The following NFIA variants were observed in gnomAD, a reference collection of about 807,000 sequenced individuals.
NFIA encodes nuclear factor I A.
Under a neutral mutation model 62.8 loss-of-function variants are expected in NFIA, and 8 were observed. That is an observed-to-expected ratio of 0.13 (90% CI 0.07 to 0.23). The LOEUF is 0.23. NFIA is among the 10% of genes least tolerant of loss of function. The pLI, the probability that NFIA is intolerant of heterozygous loss-of-function variation, is 1.00. For missense variants in NFIA, 410 were observed against 642.1 expected, an observed-to-expected ratio of 0.64 and a Z score of 3.91; for synonymous variants, 235 against 238.1, an observed-to-expected ratio of 0.99 and a Z score of 0.12.
At chr1:61,148,933 C>A (rs1225112032) in intron 2 of NFIA, among the ~76,000 whole-genome samples, 1 of 152,140 alleles carries the variant, frequency 6.6e-6, no homozygotes, top group South Asian at 2.1e-4. Context: ...AGTGCAATGG[C>A]ACGATCCTAG....
Position 61,381,100 on chromosome 1 carries a change from G to GAAA in NFIA, c.947-2124_947-2122dup, listed in dbSNP as rs71582641. ...GATTTCATCAGTGATTCCATTATCT[G>GAAA]AAAAAAAAAAAAAAATCTGCCACCT... is the stretch of plus-strand genomic sequence containing the variant. On this transcript the variant is annotated intron_variant, in intron 6 of 10. Transcript: ENST00000403491. Among the ~76,000 whole-genome samples the GAAA allele has an allele frequency of 5.2e-5, 7 of 134,902 alleles. 1 individual carries two copies. The Admixed American group carries it at 5.2e-4, about 10-fold the overall frequency. 88.5% of individuals were successfully genotyped at this position (134,902 alleles called of 152,430 possible).
Position 61,332,483 on chromosome 1 carries a change from T to C in NFIA, c.626-29T>C, listed in dbSNP as rs757915204. ...GTCAAATGTCTTGTATTTATGACAC[T>C]TTGTTTTCTTTTGTTTTTGTTTCCC... On this transcript the variant is annotated intron_variant, in intron 3 of 10. Transcript: ENST00000403491. The C allele has an allele frequency of 4.4e-6, 7 of 1,601,664 alleles. No homozygotes were observed. The South Asian group carries it at 6.6e-5, about 15-fold the overall frequency.
intron 3 of NFIA, among the ~76,000 whole-genome samples, chr1:61,318,950 G>C (rs1156853017): frequency 6.6e-6 from 1 of 152,128 alleles, no homozygotes; most frequent in Non-Finnish European, 1.5e-5. Flanking sequence ...AAGATAGAGT[G>C]TATGGTAAAA....
chr1:61,174,138 G>T (rs1169763904), intron 2 of NFIA, among the ~76,000 whole-genome samples: 1 of 152,168 alleles, frequency 6.6e-6, no homozygotes, highest in Non-Finnish European at 1.5e-5. Flanking sequence ...TCAGATGTGA[G>T]GTGTCTTGAA....
chr1:61,135,282 G>A (rs1647162318), intron 2 of NFIA, among the ~76,000 whole-genome samples: 3 of 152,208 alleles, frequency 2.0e-5, no homozygotes. Context: ...GGCCCAGGTA[G>A]CCCAGACCAA....
At chr1:61,191,392 C>T (rs913816163) in intron 2 of NFIA, among the ~76,000 whole-genome samples, 2 of 152,124 alleles carry the variant, frequency 1.3e-5, no homozygotes, top group South Asian at 2.1e-4. Flanking sequence ...AAATGCTAAA[C>T]GGGATTTGCT....
chr1:61,266,273 A>G (rs1019594165), intron 2 of NFIA, among the ~76,000 whole-genome samples: 1 of 152,176 alleles, frequency 6.6e-6, no homozygotes, highest in African/African-American at 2.4e-5. Context: ...CCTCCAAACC[A>G]GAAAGAACAC....
chr1:61,149,359 C>T (rs1032165707), intron 2 of NFIA, among the ~76,000 whole-genome samples: 2 of 152,170 alleles, frequency 1.3e-5, no homozygotes, highest in Admixed American at 6.5e-5. Flanking sequence ...CCTGTCTTTT[C>T]TACTACACTT....
At chr1:61,420,352 G>A (rs1298675624) in intron 9 of NFIA, among the ~76,000 whole-genome samples, 1 of 151,206 alleles carries the variant, frequency 6.6e-6, no homozygotes, top group African/African-American at 2.4e-5. Context: ...ATTATTTTTA[G>A]AAATGAAAGT....
chr1:61,091,195 C>T (rs927822094), intron 2 of NFIA, among the ~76,000 whole-genome samples: 2 of 151,928 alleles, frequency 1.3e-5, no homozygotes, highest in African/African-American at 4.8e-5. Context: ...GCCTTTTTTT[C>T]CCCCTAGATG....
At chr1:61,140,540 G>T (rs768376146) in intron 2 of NFIA, among the ~76,000 whole-genome samples, 1 of 151,814 alleles carries the variant, frequency 6.6e-6, no homozygotes. Context: ...TTTTCTCTTC[G>T]CAATGGCTTT....
intron 9 of NFIA, among the ~76,000 whole-genome samples, chr1:61,416,390 G>GTAC (rs1666349284): frequency 6.6e-6 from 1 of 152,044 alleles, no homozygotes; most frequent in Non-Finnish European, 1.5e-5. Context: ...GCTTTTAGCT[G>GTAC]TACTAACCTG....
At position 61,088,359 on chromosome 1, in the gene NFIA, C is replaced by T. The variant is rs372717886; in HGVS notation, c.238C>T (p.Arg80Trp). 5 of 1,613,358 alleles carry T rather than the reference C, an allele frequency of 3.1e-6. No homozygotes were observed. Among genetic ancestry groups the T allele is most frequent in the Non-Finnish European group, 3.4e-6 (4 of 1,179,898 alleles). Reference protein sequence around the residue: ...KWASRLLAKLRKDIRPEYRED... With the variant: ...KWASRLLAKLWKDIRPEYRED... ...GGCATCTCGACTTCTGGCAAAGTTG[C>T]GGAAAGATATCCGACCCGAATATCG... The change falls in exon 2 of 11, where the codon CGG becomes TGG. Residue 80 changes from arginine to tryptophan, a missense_variant. By Grantham distance (101) the Arg-to-Trp change is moderately radical. This residue lies in a region of NFIA where 86 missense variants were observed against 124.6 expected (regional missense o/e 0.69). Coordinates refer to ENST00000403491, the MANE Select transcript of NFIA (RefSeq NM_001134673.4). This position sits in a 1 kb window ranked among gnomAD's most constrained non-coding sequence, Gnocchi z 4.5.
At chr1:61,417,516 G>A (rs1666407917) in intron 9 of NFIA, among the ~76,000 whole-genome samples, 1 of 151,482 alleles carries the variant, frequency 6.6e-6, no homozygotes, top group East Asian at 1.9e-4. Flanking sequence ...AATTTTTTTA[G>A]GATATGTTTC....
rs150872629 is a variant in NFIA, at chr1:61,109,294, C to T, written c.559+20614C>T. On this transcript the variant is annotated intron_variant, in intron 2 of 10. Transcript: ENST00000403491. ...TGTTCTTAATTGGTTGATTAATGTA[C>T]GAGAAGTCCTTTTCCCCCCTCCATC... Among the ~76,000 whole-genome samples, 1,283 of 151,798 alleles carry T rather than the reference C, an allele frequency of 8.5e-3. 3 individuals carry two copies. The highest frequency in any genetic ancestry group is 0.011 in the Non-Finnish European group (732 of 67,778).
chr1:61,203,302 A>G (rs1436707941), intron 2 of NFIA, among the ~76,000 whole-genome samples: 2 of 152,184 alleles, frequency 1.3e-5, no homozygotes, highest in Non-Finnish European at 1.5e-5. Flanking sequence ...TGAACCTATC[A>G]GTAATATTAC....
chr1:61,336,009 C>CA (rs1473733188), intron 4 of NFIA, among the ~76,000 whole-genome samples: 7 of 152,122 alleles, frequency 4.6e-5, no homozygotes, highest in Non-Finnish European at 2.9e-5. Context: ...AGCATTATCT[C>CA]ATTCAATCCT....
At chr1:61,288,955 G>A (rs925443738) in intron 3 of NFIA, among the ~76,000 whole-genome samples, 2 of 152,134 alleles carry the variant, frequency 1.3e-5, no homozygotes, top group African/African-American at 4.8e-5. Flanking sequence ...TTTTAGTAGA[G>A]ACGAGGGTCT....
chr1:61,099,266 A>T (rs189024249), intron 2 of NFIA, among the ~76,000 whole-genome samples: 1 of 152,226 alleles, frequency 6.6e-6, no homozygotes, highest in Admixed American at 6.5e-5. Context: ...TGGGGTGGGG[A>T]CGATGAATAA....
Sources: allele counts gnomAD v4.1 joint callset (sites outside exome capture counted in the v4.1 genomes callset), GRCh38; gene constraint gnomAD v4.1.1; regional missense constraint gnomAD v4.1.1; non-coding constraint Gnocchi (gnomAD v3.1); transcripts MANE v1.5; gene names NCBI Gene and HGNC (gene_info 2026-07-23, HGNC 2026-07-21).